Variants in KAT6B observed in about 807,000 individuals in gnomAD.
The protein encoded by KAT6B is histone acetyltransferase KAT6B.
A neutral mutation model predicts 187.5 loss-of-function variants in KAT6B; 10 were observed. The ratio of observed to expected loss-of-function variants is 0.05; its 90% CI spans 0.03 to 0.09. The LOEUF (loss-of-function observed/expected upper bound fraction) is 0.09, where lower values mean the gene tolerates loss of function less well. Among genes scored for constraint, KAT6B ranks in the 10% least tolerant of loss-of-function variants. The pLI is 1.00. For synonymous variants in KAT6B, 861 were observed against 926.8 expected (o/e 0.93, Z 1.29); for missense variants, 1,952 against 2,558.9 (o/e 0.76, Z 5.12).
At chr10:74,982,630 G>A (rs1398777704) in intron 11 of KAT6B, 3 of 152,622 alleles carry the variant, frequency 2.0e-5, no homozygotes, top group Admixed American at 2.0e-4. Context: ...ACCTTGAGGA[G>A]ACCATGCCTT....
At chr10:74,901,075 C>T (rs576354684) in intron 3 of KAT6B, among the ~76,000 whole-genome samples, 6 of 152,046 alleles carry the variant, frequency 3.9e-5, no homozygotes, top group Admixed American at 1.3e-4. Context: ...TATATTTGTG[C>T]TTTTATAAGT....
intron 14 of KAT6B, 80 bp from the exon 15 acceptor site, chr10:75,021,046 T>C: frequency 1.5e-6 from 2 of 1,358,560 alleles, no homozygotes; most frequent in Non-Finnish European, 2.1e-6. Flanking sequence ...ATAACATTAG[T>C]GCTAGCATAT....
At chr10:74,869,232 A>T (rs1310429356) in intron 3 of KAT6B, among the ~76,000 whole-genome samples, 1 of 152,112 alleles carries the variant, frequency 6.6e-6, no homozygotes, top group Non-Finnish European at 1.5e-5. Context: ...ATCAAAGCAT[A>T]TATACAGCTA....
intron 13 of KAT6B, among the ~76,000 whole-genome samples, chr10:74,996,782 A>T (rs1843461214): frequency 6.7e-6 from 1 of 149,510 alleles, no homozygotes; most frequent in South Asian, 2.1e-4. Flanking sequence ...AAAAAAAAAA[A>T]AAAAAAAGCT....
intron 4 of KAT6B, among the ~76,000 whole-genome samples, chr10:74,964,620 T>A (rs1337557504): frequency 6.6e-6 from 1 of 152,170 alleles, no homozygotes; most frequent in African/African-American, 2.4e-5. Flanking sequence ...CCAACGAGTC[T>A]ACCCCCGAGG....
intron 3 of KAT6B, among the ~76,000 whole-genome samples, chr10:74,866,628 A>G (rs1437647285): frequency 6.6e-6 from 1 of 152,212 alleles, no homozygotes; most frequent in Non-Finnish European, 1.5e-5. Flanking sequence ...TAAGTGGAAA[A>G]CAAGCATTCC....
In KAT6B at chr10:74,972,288, TGA is replaced by T. The variant is rs1249231946; in HGVS notation, c.929-213_929-212del. The stretch of plus-strand genomic sequence containing the variant: ...TGGGAACAGCTTCATGGAAGGATTC[TGA>T]GAGAGGGGCCACCTCTGCCCTCACC... On this transcript the variant is annotated intron_variant, in intron 6 of 17. Transcript: ENST00000287239. 6.6e-5 allele frequency among the ~76,000 whole-genome samples: 10 copies of T among 152,244 alleles called. No individual in the cohort carries two copies. In the East Asian group the frequency reaches 1.4e-3, roughly 21 times the overall value.
chr10:74,979,440 T>C, intron 10 of KAT6B, 101 bp downstream of exon 10: 1 of 876,110 alleles, frequency 1.1e-6, no homozygotes, highest in Non-Finnish European at 1.9e-6. Context: ...TTTTAGGAAA[T>C]AAATTTTGGT....
At chr10:74,923,766 C>T (rs1270702220) in intron 3 of KAT6B, among the ~76,000 whole-genome samples, 1 of 152,148 alleles carries the variant, frequency 6.6e-6, no homozygotes, top group African/African-American at 2.4e-5. Flanking sequence ...ACAGGTCAGG[C>T]CTCTGGCTTT....
rs139027984 is a variant in KAT6B, at chr10:74,903,211, G to A, written c.622-56759G>A. 1.5e-4 allele frequency among the ~76,000 whole-genome samples: 23 copies of A among 152,260 alleles called. No individual in the cohort carries two copies. In the East Asian group the frequency reaches 4.0e-3, roughly 27 times the overall value. On this transcript the variant is annotated intron_variant, in intron 3 of 17. Transcript: ENST00000287239. ...GTCGGATTGCCATGGTCCAGTGTGG[G>A]TAGCAGAATCCTGAGAGACCCCCAG...
intron 11 of KAT6B, chr10:74,984,875 A>G: frequency 1.7e-6 from 1 of 586,012 alleles, no homozygotes; most frequent in South Asian, 2.0e-5. Context: ...AATGTACCCT[A>G]ATTTAAGAGA....
At chr10:74,937,102 A>G (rs1484189298) in intron 3 of KAT6B, among the ~76,000 whole-genome samples, 1 of 152,214 alleles carries the variant, frequency 6.6e-6, no homozygotes, top group African/African-American at 2.4e-5. Context: ...TGTGTGTGGA[A>G]TAAGGCGATC....
chr10:74,985,128 G>A lies in KAT6B; in HGVS notation c.2422G>A (p.Ala808Thr). Reference protein sequence around the residue: ...KIYCQNLCLLAKLFLDHKTLY... With the variant: ...KIYCQNLCLLTKLFLDHKTLY... Reference sequence around the variant, plus strand: ...TTATTGCCAAAACCTTTGCTTGTTAGCCAAGCTCTTCCTGGACCACAAAAC... The same window carrying A: ...TTATTGCCAAAACCTTTGCTTGTTAACCAAGCTCTTCCTGGACCACAAAAC... Residue 808 changes from alanine (A) to threonine (T), a missense_variant, in exon 12 of 18, where the codon GCC (alanine) becomes ACC (threonine). Transcript: ENST00000287239. 6.2e-7 allele frequency: 1 copy of A among 1,614,080 alleles called. No homozygotes were observed. Among genetic ancestry groups the A allele is most frequent in the Non-Finnish European group, 8.5e-7 (1 of 1,179,986 alleles).
At chr10:74,831,557 T>C (rs750587556) in intron 1 of KAT6B, among the ~76,000 whole-genome samples, 8 of 152,254 alleles carry the variant, frequency 5.3e-5, no homozygotes, top group Non-Finnish European at 1.0e-4. Context: ...TCTTGAATTT[T>C]TACTTCTCTG....
intron 3 of KAT6B, among the ~76,000 whole-genome samples, chr10:74,903,816 A>G (rs1846564434): frequency 6.6e-6 from 1 of 152,130 alleles, no homozygotes; most frequent in Non-Finnish European, 1.5e-5. Flanking sequence ...TCAGATTTTA[A>G]CTTGATTTTC....
intron 3 of KAT6B, among the ~76,000 whole-genome samples, chr10:74,870,669 C>T (rs1843862551): frequency 6.6e-6 from 1 of 151,952 alleles, no homozygotes; most frequent in Non-Finnish European, 1.5e-5. Context: ...GCCTCCGCCT[C>T]CTGGGTTCAG....
At chr10:74,825,254 G>A (rs1176249721), upstream of KAT6B, among the ~76,000 whole-genome samples, 1 of 151,962 alleles carries the variant, frequency 6.6e-6, no homozygotes, top group Non-Finnish European at 1.5e-5. The surrounding 1 kb of genome is among the most constrained non-coding windows in gnomAD (Gnocchi z 5.0). Flanking sequence ...GCCCTGGCGG[G>A]CACACTCCCC....
At chr10:75,005,292 A>T (rs1416474851) in intron 13 of KAT6B, among the ~76,000 whole-genome samples, 1 of 150,154 alleles carries the variant, frequency 6.7e-6, no homozygotes, top group South Asian at 2.1e-4. Context: ...ATCTCAGCTC[A>T]CTGCAGCCTC....
intron 3 of KAT6B, among the ~76,000 whole-genome samples, chr10:74,875,949 T>G (rs1406835059): frequency 6.6e-6 from 1 of 152,222 alleles, no homozygotes; most frequent in African/African-American, 2.4e-5. Context: ...AGGAGGAACT[T>G]GTTAAACCAA....
Sources: gnomAD v4.1 joint callset for allele counts (sites outside exome capture counted in the v4.1 genomes callset) on GRCh38, gnomAD v4.1.1 for gene constraint, Gnocchi (gnomAD v3.1) non-coding constraint, MANE v1.5 for transcripts, NCBI Gene and HGNC (gene_info 2026-07-23, HGNC 2026-07-21) for gene names.